KLF8: variants seen among roughly 807,000 people sequenced by gnomAD.
KLF8 encodes the protein KLF transcription factor 8.
A neutral mutation model predicts 18.2 loss-of-function variants in KLF8; 10 were observed. That is an observed-to-expected ratio of 0.55 (90% confidence interval 0.34 to 0.93). KLF8 has a LOEUF of 0.93. Among genes scored for constraint, KLF8 ranks in the 40% least tolerant of loss-of-function variants. KLF8 has a pLI of 0.02. For synonymous variants in KLF8, 109 were observed against 97.3 expected (o/e 1.12, Z -0.71); for missense variants, 264 against 277.9 (o/e 0.95, Z 0.36).
chrX:55,980,936 T>C, the KLF8 span, among the ~76,000 whole-genome samples: 1 of 112,636 alleles, frequency 8.9e-6, no homozygotes, highest in Non-Finnish European at 1.9e-5. Context: ...CCCACGCCTG[T>C]AATCCCAGCA....
chrX:56,176,487 G>A, the KLF8 span, among the ~76,000 whole-genome samples: 4 of 111,459 alleles, frequency 3.6e-5, no homozygotes, highest in African/African-American at 1.3e-4. Context: ...TTGTCTGATG[G>A]GCTTCCCTTT....
chrX:56,064,531 T>G, the KLF8 span, among the ~76,000 whole-genome samples: 7 of 111,619 alleles, frequency 6.3e-5, no homozygotes, highest in Non-Finnish European at 9.4e-5. Flanking sequence ...TATTGATATG[T>G]CAGGACTTGC....
At chrX:56,107,070 C>A in the KLF8 span, among the ~76,000 whole-genome samples, 1 of 111,623 alleles carries the variant, frequency 9.0e-6, no homozygotes, top group African/African-American at 3.3e-5. Flanking sequence ...AATATTGCTG[C>A]CTGATCATTC....
chrX:56,150,038 G>T, the KLF8 span, among the ~76,000 whole-genome samples: 1 of 111,983 alleles, frequency 8.9e-6, no homozygotes, highest in African/African-American at 3.2e-5. Context: ...TGAATGTTGG[G>T]CAGGAGGTCC....
At chrX:56,164,859 G>A in the KLF8 span, among the ~76,000 whole-genome samples, 1 of 88,410 alleles carries the variant, frequency 1.1e-5, no homozygotes, top group Non-Finnish European at 2.2e-5. Flanking sequence ...CCACTAACGT[G>A]TCATCTAGCA....
chrX:56,143,429 A>G, the KLF8 span, among the ~76,000 whole-genome samples: 1 of 112,043 alleles, frequency 8.9e-6, no homozygotes, highest in Non-Finnish European at 1.9e-5. Flanking sequence ...CTATCTCCCC[A>G]ACTTGAATGA....
the KLF8 span, among the ~76,000 whole-genome samples, chrX:56,028,725 T>C: frequency 9.0e-6 from 1 of 111,536 alleles, no homozygotes; most frequent in South Asian, 3.8e-4. Flanking sequence ...TGGTGACACC[T>C]GACCCCGGGT....
chrX:56,042,092 G>A, the KLF8 span, among the ~76,000 whole-genome samples: 1 of 111,903 alleles, frequency 8.9e-6, no homozygotes, highest in African/African-American at 3.3e-5. Flanking sequence ...GTTCTCATTA[G>A]TTTCACAGAA....
At chrX:56,050,125 A>T in the KLF8 span, among the ~76,000 whole-genome samples, 1 of 109,785 alleles carries the variant, frequency 9.1e-6, no homozygotes, top group Non-Finnish European at 1.9e-5. Context: ...CCCCTTTATC[A>T]TTTTTTATTG....
the KLF8 span, among the ~76,000 whole-genome samples, chrX:55,990,533 C>T: frequency 8.9e-6 from 1 of 111,894 alleles, no homozygotes; most frequent in Non-Finnish European, 1.9e-5. Flanking sequence ...CTTAATCTCA[C>T]TGCTGGTGAG....
chrX:56,164,769 T>C, the KLF8 span, among the ~76,000 whole-genome samples: 1 of 93,320 alleles, frequency 1.1e-5, no homozygotes, highest in East Asian at 3.3e-4. Context: ...TTTTTTATTA[T>C]ACTTTAAGTT....
the KLF8 span, among the ~76,000 whole-genome samples, chrX:56,058,261 TATATATAC>T: frequency 8.0e-5 from 2 of 25,143 alleles, no homozygotes; most frequent in African/African-American, 2.2e-4. Flanking sequence ...TATATACACA[TATATATAC>T]ATATATATAC....
intron 1 of KLF8, among the ~76,000 whole-genome samples, chrX:56,248,553 G>C (rs1351178354): frequency 3.6e-5 from 4 of 111,644 alleles, no homozygotes; most frequent in Non-Finnish European, 7.5e-5. Context: ...GGAGTTGGCT[G>C]TCTTAAGTTG....
intron 3 of KLF8, chrX:56,266,769 T>C: frequency 2.7e-6 from 2 of 751,917 alleles, no homozygotes; most frequent in Non-Finnish European, 3.1e-6. Context: ...TGGAAATGAC[T>C]AGGAAGCAGA....
Position 56,269,448 on chromosome X carries a change from T to C in KLF8, c.717T>C (p.Ser239=), listed in dbSNP as rs766866162. The C allele has an allele frequency of 8.3e-7, 1 of 1,208,007 alleles. No individual in the cohort carries two copies. The highest frequency in any genetic ancestry group is 2.2e-5 in the Admixed American group (1 of 45,685). Residue 239 remains serine (S), a synonymous_variant, in exon 4 of 6, where the codon AGT becomes AGC. Coordinates refer to ENST00000468660, the MANE Select transcript of KLF8 (RefSeq NM_007250.5). ...PSDSEESTIE[S]GSSALQSLQG... ...ACAGTGAGGAGAGTACAATTGAGAG[T>C]GGATCCTCAGCCTTGCAGAGTCTGC...
the KLF8 span, among the ~76,000 whole-genome samples, chrX:56,067,770 A>G: frequency 4.4e-5 from 5 of 112,389 alleles, no homozygotes; most frequent in Admixed American, 4.7e-4. Context: ...ACTGAGGCAG[A>G]AAACTGTTCA....
the KLF8 span, among the ~76,000 whole-genome samples, chrX:56,004,143 A>G: frequency 8.9e-6 from 1 of 112,611 alleles, no homozygotes; most frequent in South Asian, 3.7e-4. Context: ...TGGAACAGAA[A>G]TGAAGGAAGG....
the KLF8 span, among the ~76,000 whole-genome samples, chrX:56,193,320 C>G: frequency 8.9e-6 from 1 of 111,804 alleles, no homozygotes; most frequent in Admixed American, 9.5e-5. Flanking sequence ...CAGACAATAA[C>G]AAATGTTGGC....
At chrX:56,187,791 G>T in the KLF8 span, among the ~76,000 whole-genome samples, 5 of 110,306 alleles carry the variant, frequency 4.5e-5, no homozygotes, top group Admixed American at 9.6e-5. Flanking sequence ...TATCTCAATA[G>T]ATGCAGAAAT....
Sources: allele counts gnomAD v4.1 joint callset (sites outside exome capture counted in the v4.1 genomes callset), GRCh38; gene constraint gnomAD v4.1.1; transcripts MANE v1.5; gene names NCBI Gene and HGNC (gene_info 2026-07-23, HGNC 2026-07-21).